The following FRYL variants were observed in gnomAD, a reference collection of about 807,000 sequenced individuals.
The protein encoded by FRYL is FRY like transcription coactivator.
A neutral mutation model predicts 351.2 loss-of-function variants in FRYL; 150 were observed. The observed-to-expected ratio is 0.43, with a 90% CI of 0.37 to 0.49. The LOEUF (loss-of-function observed/expected upper bound fraction) is 0.49, where lower values mean the gene tolerates loss of function less well. Ranked by LOEUF, FRYL falls within the 20% of genes least tolerant of loss-of-function variation. The pLI, the probability that FRYL is intolerant of heterozygous loss-of-function variation, is 0.00. For missense variants in FRYL, 3,036 were observed against 3,619.3 expected, an observed-to-expected ratio of 0.84 and a Z score of 4.13; for synonymous variants, 1,153 against 1,257.1, an observed-to-expected ratio of 0.92 and a Z score of 1.75.
chr4:48,616,739 C>T (rs977477081), intron 7 of FRYL, among the ~76,000 whole-genome samples: 7 of 152,304 alleles, frequency 4.6e-5, no homozygotes, highest in African/African-American at 1.7e-4. Context: ...ATATTTTACT[C>T]GTCAAGACTG....
At position 48,575,253 on chromosome 4, in the gene FRYL, AT is replaced by A; in HGVS notation, c.2722-13del. On this transcript the variant is annotated splice_polypyrimidine_tract_variant and intron_variant, in intron 24 of 63. Coordinates refer to ENST00000358350, the MANE Select transcript of FRYL (RefSeq NM_015030.2). ...GGGATGCCAATAATCTGGAAAAAAAATATCGTATTTGTAACAGCCACTAATG... is the reference window on the plus strand; with the variant it reads ...GGGATGCCAATAATCTGGAAAAAAAAATCGTATTTGTAACAGCCACTAATG... 2 of 1,612,722 alleles carry A rather than the reference AT, an allele frequency of 1.2e-6. No homozygotes were observed. The highest frequency in any genetic ancestry group is 1.7e-6 in the Non-Finnish European group (2 of 1,178,972).
intron 3 of FRYL, among the ~76,000 whole-genome samples, chr4:48,650,517 T>C (rs550031250): frequency 6.6e-6 from 1 of 152,180 alleles, no homozygotes; most frequent in Admixed American, 6.5e-5. Flanking sequence ...GAAGGAAGAA[T>C]GGGTCTTGAA....
At chr4:48,605,043 C>A (rs1313661973) in intron 11 of FRYL, among the ~76,000 whole-genome samples, 1 of 152,146 alleles carries the variant, frequency 6.6e-6, no homozygotes, top group Non-Finnish European at 1.5e-5. Context: ...CTAAAACTGA[C>A]ATGACTTATA....
chr4:48,718,126 C>T (rs1462325485), intron 1 of FRYL, among the ~76,000 whole-genome samples: 2 of 151,458 alleles, frequency 1.3e-5, no homozygotes, highest in East Asian at 3.9e-4. Context: ...TTATTTTTAT[C>T]CCAATAACAG....
At chr4:48,666,474 A>G (rs1009762879) in intron 3 of FRYL, among the ~76,000 whole-genome samples, 7 of 152,192 alleles carry the variant, frequency 4.6e-5, no homozygotes, top group African/African-American at 1.7e-4. Flanking sequence ...GTAAAATTCA[A>G]TGGGCAAGTC....
rs556285267 is a variant in FRYL at position 48,648,862 on chromosome 4, T to G, written c.-80-14372A>C. On this transcript the variant is annotated intron_variant, in intron 3 of 63. Coordinates refer to ENST00000358350, the MANE Select transcript of FRYL (RefSeq NM_015030.2). ...AGAATAATGAGTATGAGGTTTCTTT[T>G]TTAGATAATGAAAACATTCTGCAAT... Among the ~76,000 whole-genome samples the G allele has an allele frequency of 4.4e-4, 67 of 152,334 alleles. 1 individual carries two copies. The highest frequency in any genetic ancestry group is 1.6e-3 in the African/African-American group (67 of 41,582).
Position 48,716,822 on chromosome 4 carries a change from T to C in FRYL, c.-383-6124A>G, listed in dbSNP as rs996813310. 7.9e-5 allele frequency among the ~76,000 whole-genome samples: 12 copies of C among 151,340 alleles called. 1 individual carries two copies. Among genetic ancestry groups the C allele is most frequent in the Admixed American group, 7.3e-4 (11 of 15,078 alleles). Reference sequence around the variant, plus strand: ...AAGCTGCTATGAAGACACATGCACATGTATGTTTATTGTGGCACTATTCAC... The same window carrying C: ...AAGCTGCTATGAAGACACATGCACACGTATGTTTATTGTGGCACTATTCAC... On this transcript the variant is annotated intron_variant, in intron 1 of 63. Coordinates refer to ENST00000358350, the MANE Select transcript of FRYL (RefSeq NM_015030.2).
rs1282443063 is a variant in FRYL at position 48,575,203 on chromosome 4, G to A, written c.2760C>T (p.His920=). 6.2e-7 allele frequency: 1 copy of A among 1,613,822 alleles called. No individual in the cohort carries two copies. Among genetic ancestry groups the A allele is most frequent in the South Asian group, 1.1e-5 (1 of 91,058 alleles). Residue 920 remains histidine (H), a synonymous_variant, in exon 25 of 64, where the codon CAC becomes CAT. Transcript: ENST00000358350. ...TCTCAGAACGCATCATTGGAACTAT[G>A]TGCTTAAACAAGGATGAAGGGGATG... The part of the protein sequence containing the change: ...GIPSPSSLFK[H]IVPMMRSESM...
At chr4:48,757,032 G>A (rs1773864307) in intron 1 of FRYL, among the ~76,000 whole-genome samples, 1 of 152,170 alleles carries the variant, frequency 6.6e-6, no homozygotes, top group Non-Finnish European at 1.5e-5. Flanking sequence ...GACTAATAGG[G>A]AAAGCAGGCT....
intron 3 of FRYL, chr4:48,653,767 G>C (rs1355952925): frequency 1.5e-6 from 2 of 1,290,898 alleles, no homozygotes; most frequent in East Asian, 1.1e-4. Flanking sequence ...AAAAAACACA[G>C]AATCCTGTAG....
At chr4:48,580,015 T>C (rs542548788) in intron 22 of FRYL, among the ~76,000 whole-genome samples, 101 of 151,374 alleles carry the variant, frequency 6.7e-4, no homozygotes, top group African/African-American at 2.3e-3. Flanking sequence ...TAAAAATAAA[T>C]AAAAATTAAA....
At chr4:48,576,304 CTT>C (rs780306789) in intron 23 of FRYL, 82 bp from the exon 24 acceptor site, 15,075 of 743,946 alleles carry the variant, frequency 0.02, no homozygotes, top group South Asian at 0.031. Flanking sequence ...TGCTAAATTT[CTT>C]TTTTTTTTTT....
intron 1 of FRYL, among the ~76,000 whole-genome samples, chr4:48,715,876 A>T (rs561023176): frequency 2.6e-4 from 39 of 152,338 alleles, no homozygotes; most frequent in African/African-American, 8.7e-4. Context: ...TTCAAACTAT[A>T]CTACAAGGCT....
intron 49 of FRYL, 126 bp downstream of exon 49, chr4:48,534,419 C>T (rs780040431): frequency 4.1e-6 from 3 of 733,452 alleles, no homozygotes; most frequent in African/African-American, 3.6e-5. Flanking sequence ...CTGCAAATAT[C>T]CTGAAAACAC....
chr4:48,548,361 T>C (rs904998431), intron 40 of FRYL, among the ~76,000 whole-genome samples: 1 of 152,206 alleles, frequency 6.6e-6, no homozygotes, highest in African/African-American at 2.4e-5. Context: ...TCATTCACTC[T>C]GAAAGTTTCC....
In FRYL at chr4:48,565,611, A is replaced by G; in HGVS notation, c.3250T>C (p.Phe1084Leu). 2 of 1,613,932 alleles carry G rather than the reference A, an allele frequency of 1.2e-6. No individual in the cohort carries two copies. Among genetic ancestry groups the G allele is most frequent in the Non-Finnish European group, 1.7e-6 (2 of 1,179,942 alleles). The change falls in exon 29 of 64, where the codon TTT becomes CTT. Residue 1084 changes from phenylalanine to leucine, a missense_variant. Phe to Leu is a conservative substitution (Grantham distance 22). This residue lies in a region of FRYL where 1,987 missense variants were observed against 2,311.7 expected (regional missense o/e 0.86). Coordinates refer to ENST00000358350, the MANE Select transcript of FRYL (RefSeq NM_015030.2). ...FMLFSHWAGP[F>L]SIMFTPLDRY... ...TCCAAGGGCGTAAACATGATGCTAA[A>G]AGGACCTGCCCAGTGACTGAACAGC...
chr4:48,569,950 C>A (rs1301163836), intron 27 of FRYL, among the ~76,000 whole-genome samples: 1 of 152,106 alleles, frequency 6.6e-6, no homozygotes, highest in Non-Finnish European at 1.5e-5. Flanking sequence ...GTATCTGGGA[C>A]TACTGGTGTC....
chr4:48,591,830 A>G (rs1328039476), intron 16 of FRYL, among the ~76,000 whole-genome samples: 2 of 152,048 alleles, frequency 1.3e-5, no homozygotes, highest in African/African-American at 4.8e-5. Flanking sequence ...CCCATCTGAC[A>G]TCTCTTACTT....
At chr4:48,660,965 T>C (rs1428993426) in intron 3 of FRYL, among the ~76,000 whole-genome samples, 2 of 152,158 alleles carry the variant, frequency 1.3e-5, no homozygotes, top group Non-Finnish European at 2.9e-5. Context: ...GGCAACTGAA[T>C]GTAAAGTGGT....
Sources: gnomAD v4.1 joint callset for allele counts (sites outside exome capture counted in the v4.1 genomes callset) on GRCh38, gnomAD v4.1.1 for gene constraint, gnomAD v4.1.1 regional missense constraint, MANE v1.5 for transcripts, NCBI Gene and HGNC (gene_info 2026-07-23, HGNC 2026-07-21) for gene names.